The following ARHGEF11 variants were observed in gnomAD, a reference collection of about 807,000 sequenced individuals.
ARHGEF11 encodes Rho guanine nucleotide exchange factor 11.
ARHGEF11 carries 55 observed loss-of-function variants against 193.7 expected under a neutral mutation model. The ratio of observed to expected loss-of-function variants is 0.28; its 90% CI spans 0.23 to 0.36. The LOEUF (loss-of-function observed/expected upper bound fraction) is 0.36, where lower values mean the gene tolerates loss of function less well. Among genes scored for constraint, ARHGEF11 ranks in the 10% least tolerant of loss-of-function variants. The probability of loss-of-function intolerance (pLI) is 1.00; values close to 1 mark genes in which losing one functional copy is unlikely to be tolerated. For missense variants in ARHGEF11, 1,723 were observed against 2,005.6 expected, an observed-to-expected ratio of 0.86 and a Z score of 2.69; for synonymous variants, 693 against 768.0, an observed-to-expected ratio of 0.90 and a Z score of 1.62.
intron 1 of ARHGEF11, among the ~76,000 whole-genome samples, chr1:157,012,915 C>G (rs1225497795): frequency 2.0e-5 from 3 of 152,150 alleles, no homozygotes; most frequent in African/African-American, 4.8e-5. Context: ...AACATTATAG[C>G]TAGGTCTCAG....
intron 1 of ARHGEF11, among the ~76,000 whole-genome samples, chr1:157,030,538 C>G (rs1398382430): frequency 6.6e-6 from 1 of 152,108 alleles, no homozygotes; most frequent in East Asian, 1.9e-4. Context: ...TATCTCTTTC[C>G]TAGTCAGGCA....
At chr1:156,953,036 G>C (rs1454245987) in intron 21 of ARHGEF11, among the ~76,000 whole-genome samples, 1 of 152,258 alleles carries the variant, frequency 6.6e-6, no homozygotes, top group Non-Finnish European at 1.5e-5. Context: ...TAATGTTCTA[G>C]ATAGAGTTAT....
At chr1:156,964,574 T>A (rs1287832467) in intron 11 of ARHGEF11, among the ~76,000 whole-genome samples, 7 of 152,166 alleles carry the variant, frequency 4.6e-5, no homozygotes, top group Non-Finnish European at 8.8e-5. Flanking sequence ...CCCTTTTTTG[T>A]TTTCCTGGAT....
At position 156,937,307 on chromosome 1, in the gene ARHGEF11, T is replaced by G. The variant is rs374214558; in HGVS notation, c.4382A>C (p.Asp1461Ala). ...AATGGTATGGAAGATCATGCCCACG[T>G]CCCTGAGGGCCAGGCTTGGAGGAGA... ...SRSPPSLALRDVGMIFHTIEQ... is the reference protein window; with the variant it reads ...SRSPPSLALRAVGMIFHTIEQ... The change falls in exon 39 of 41, where the codon GAC becomes GCC. Residue 1461 changes from aspartate to alanine, a missense_variant. Transcript: ENST00000368194. 2 of 1,613,784 alleles carry G rather than the reference T, an allele frequency of 1.2e-6. No individual in the cohort carries two copies. The highest frequency in any genetic ancestry group is 1.7e-6 in the Non-Finnish European group (2 of 1,179,928).
chr1:156,947,424 G>A lies in ARHGEF11; in HGVS notation c.2368C>T (p.Leu790=), dbSNP rs368545602. The A allele has an allele frequency of 6.2e-7, 1 of 1,610,348 alleles. No homozygotes were observed. The highest frequency in any genetic ancestry group is 8.5e-7 in the Non-Finnish European group (1 of 1,178,824). The change falls in exon 26 of 41, where the codon CTG becomes TTG. Residue 790 remains leucine, a synonymous_variant. Transcript: ENST00000368194. ...NELFVTEASH[L]RTLRVLDLIF... ...AGGTCCAGGACCCGGAGTGTGCGCA[G>A]GTGGGAAGCTTCAGTCACAAACAGC... is the stretch of plus-strand genomic sequence containing the variant.
intron 1 of ARHGEF11, among the ~76,000 whole-genome samples, chr1:157,042,352 A>T (rs950008206): frequency 2.0e-5 from 3 of 152,194 alleles, no homozygotes; most frequent in African/African-American, 4.8e-5. Flanking sequence ...CCAAAGAGAA[A>T]GGAGAAAACG....
intron 1 of ARHGEF11, among the ~76,000 whole-genome samples, chr1:157,005,130 G>A (rs1468125662): frequency 6.6e-6 from 1 of 152,174 alleles, no homozygotes; most frequent in African/African-American, 2.4e-5. Context: ...TCAAACTCCA[G>A]CACACTCACA....
intron 1 of ARHGEF11, among the ~76,000 whole-genome samples, chr1:157,018,752 G>A (rs1350736328): frequency 1.3e-5 from 2 of 152,076 alleles, no homozygotes; most frequent in African/African-American, 2.4e-5. Flanking sequence ...AAAACATATT[G>A]TAAAGCTACA....
chr1:157,016,319 A>C (rs933787388), intron 1 of ARHGEF11, among the ~76,000 whole-genome samples: 1 of 152,082 alleles, frequency 6.6e-6, no homozygotes, highest in Non-Finnish European at 1.5e-5. Context: ...TCTCAGATTT[A>C]AGCGATTCTC....
intron 7 of ARHGEF11, 104 bp downstream of exon 7, chr1:156,976,879 A>T: frequency 9.7e-7 from 1 of 1,032,252 alleles, no homozygotes; most frequent in East Asian, 2.4e-5. Context: ...TTTTACTGTG[A>T]TAGGATATTG....
At chr1:156,959,939 C>T (rs868023839) in intron 15 of ARHGEF11, among the ~76,000 whole-genome samples, 3 of 111,408 alleles carry the variant, frequency 2.7e-5, no homozygotes, top group South Asian at 6.4e-4. Flanking sequence ...CCCTCCCCCC[C>T]CCCCAAAAAA....
intron 7 of ARHGEF11, among the ~76,000 whole-genome samples, chr1:156,974,466 T>C (rs554946001): frequency 6.6e-6 from 1 of 152,354 alleles, no homozygotes; most frequent in East Asian, 1.9e-4. Context: ...TTATGCTTTG[T>C]TTTGGACTTT....
At chr1:156,947,078 GAC>G in intron 26 of ARHGEF11, 63 bp from the exon 27 acceptor site, 1 of 1,593,776 alleles carries the variant, frequency 6.3e-7, no homozygotes, top group Non-Finnish European at 8.6e-7. Flanking sequence ...GAACCTTTCT[GAC>G]AGAGAGAAGT....
intron 13 of ARHGEF11, among the ~76,000 whole-genome samples, chr1:156,962,366 T>A (rs777452193): frequency 7.9e-5 from 12 of 152,156 alleles, no homozygotes; most frequent in Non-Finnish European, 1.8e-4. Context: ...ACTCCTCTAC[T>A]CCATCTGCCC....
intron 7 of ARHGEF11, among the ~76,000 whole-genome samples, chr1:156,972,745 T>G (rs1018412589): frequency 6.6e-6 from 1 of 152,204 alleles, no homozygotes; most frequent in Admixed American, 6.5e-5. Context: ...GGTAAAAACC[T>G]TCCCAACTGT....
intron 35 of ARHGEF11, 62 bp downstream of exon 35, chr1:156,941,310 C>A (rs1469757722): frequency 6.4e-7 from 1 of 1,560,050 alleles, no homozygotes; most frequent in African/African-American, 1.4e-5. Flanking sequence ...ATACTCACAC[C>A]CAACCTGTGC....
chr1:156,969,229 G>T, intron 10 of ARHGEF11, 53 bp downstream of exon 10: 1 of 1,497,292 alleles, frequency 6.7e-7, no homozygotes, highest in Non-Finnish European at 9.1e-7. Flanking sequence ...TTGGGTCAAG[G>T]GAAGGGACCC....
chr1:156,951,065 T>C (rs1022376286), intron 22 of ARHGEF11, among the ~76,000 whole-genome samples: 1 of 152,234 alleles, frequency 6.6e-6, no homozygotes, highest in Admixed American at 6.5e-5. Context: ...ACTTTGCCTC[T>C]CTTTGCTGAG....
chr1:156,987,487 A>G (rs1040048063), intron 1 of ARHGEF11, among the ~76,000 whole-genome samples: 7 of 152,258 alleles, frequency 4.6e-5, no homozygotes, highest in East Asian at 1.9e-4. Flanking sequence ...ATTTATTTAC[A>G]TATCCAAAAA....
Sources: allele counts gnomAD v4.1 joint callset (sites outside exome capture counted in the v4.1 genomes callset), GRCh38; gene constraint gnomAD v4.1.1; transcripts MANE v1.5; gene names NCBI Gene and HGNC (gene_info 2026-07-23, HGNC 2026-07-21).